GAK: variants seen among roughly 807,000 people sequenced by gnomAD.
GAK encodes cyclin-G-associated kinase.
A neutral mutation model predicts 143.9 loss-of-function variants in GAK; 79 were observed. The ratio of observed to expected loss-of-function variants is 0.55; its 90% confidence interval spans 0.46 to 0.66. The LOEUF (loss-of-function observed/expected upper bound fraction) is 0.66, where lower values mean the gene tolerates loss of function less well. Ranked by LOEUF, GAK falls within the 30% of genes least tolerant of loss-of-function variation. The probability of loss-of-function intolerance (pLI) is 0.00; values close to 1 mark genes in which losing one functional copy is unlikely to be tolerated. For synonymous variants in GAK, 881 were observed against 765.5 expected (o/e 1.15, Z -2.49); for missense variants, 1,693 against 1,779.7 (o/e 0.95, Z 0.88).
At chr4:896,628 C>G (rs1480671579) in intron 6 of GAK, 79 bp from the exon 7 acceptor site, 5 of 1,110,726 alleles carry the variant, frequency 4.5e-6, no homozygotes, top group African/African-American at 1.5e-5. Flanking sequence ...TTCCGTGCAG[C>G]TTTCCAAATG....
At chr4:888,652 G>A in intron 11 of GAK, 195 bp downstream of exon 11, 2 of 635,818 alleles carry the variant, frequency 3.1e-6, no homozygotes, top group Non-Finnish European at 2.6e-6. Flanking sequence ...TGAAAGGAAA[G>A]GGATCTGCCT....
intron 24 of GAK, among the ~76,000 whole-genome samples, chr4:854,742 A>G (rs552305759): frequency 1.3e-5 from 2 of 152,286 alleles, no homozygotes; most frequent in South Asian, 4.1e-4. Context: ...TCATTTTTCC[A>G]TTACAAAAAT....
chr4:930,122 G>A (rs1725423639), intron 1 of GAK, among the ~76,000 whole-genome samples: 2 of 152,320 alleles, frequency 1.3e-5, no homozygotes, highest in South Asian at 2.1e-4. Context: ...ACACAAGACA[G>A]CCTAAACTCC....
chr4:930,074 G>C (rs1398954443), intron 1 of GAK, among the ~76,000 whole-genome samples: 1 of 152,200 alleles, frequency 6.6e-6, no homozygotes, highest in Non-Finnish European at 1.5e-5. Context: ...GTAAACATCT[G>C]TACTCAAGGG....
At chr4:923,120 C>G (rs533426489) in intron 1 of GAK, among the ~76,000 whole-genome samples, 1 of 152,294 alleles carries the variant, frequency 6.6e-6, no homozygotes, top group East Asian at 1.9e-4. Context: ...GGGCTCCCTA[C>G]GGGGATGGAG....
At chr4:863,386 C>G (rs1750631110) in intron 23 of GAK, among the ~76,000 whole-genome samples, 1 of 152,172 alleles carries the variant, frequency 6.6e-6, no homozygotes. Context: ...GAAATGAGGC[C>G]AAGGGTTTAG....
intron 18 of GAK, among the ~76,000 whole-genome samples, chr4:871,597 G>A (rs1314302986): frequency 6.6e-6 from 1 of 152,038 alleles, no homozygotes; most frequent in African/African-American, 2.4e-5. Context: ...GCTGTGGGGA[G>A]CAGGGCAGAG....
chr4:896,816 G>A (rs1302542150), intron 6 of GAK, among the ~76,000 whole-genome samples: 4 of 152,242 alleles, frequency 2.6e-5, no homozygotes, highest in Non-Finnish European at 5.9e-5. Flanking sequence ...ATGGCATGTC[G>A]GCACCGACGT....
intron 10 of GAK, among the ~76,000 whole-genome samples, chr4:889,248 T>C (rs1273290707): frequency 6.6e-6 from 1 of 151,968 alleles, no homozygotes; most frequent in Non-Finnish European, 1.5e-5. Context: ...CAGGAAATGG[T>C]CAATCTGGGT....
rs191320586 is a variant in GAK, at chr4:892,373, G to A, written c.990+1004C>T. On this transcript the variant is annotated intron_variant, in intron 9 of 27. Coordinates refer to ENST00000314167, the MANE Select transcript of GAK (RefSeq NM_005255.4). ...GTGTCCTGACTGGGCCCTGAGCTGG[G>A]ATGCCCAGGGGCCTCCCTGCTCCCC... is the stretch of plus-strand genomic sequence containing the variant. Among the ~76,000 whole-genome samples, 1,189 of 152,334 alleles carry A rather than the reference G, an allele frequency of 7.8e-3. 10 individuals carry two copies. The highest frequency in any genetic ancestry group is 9.8e-3 in the Non-Finnish European group (667 of 68,022).
chr4:885,887 C>G (rs1716233512), intron 11 of GAK: 1 of 152,390 alleles, frequency 6.6e-6, no homozygotes, highest in Admixed American at 6.5e-5. Context: ...CCACCTCAGG[C>G]CCCAGTGTAG....
At chr4:863,489 G>A (rs975030846) in intron 23 of GAK, among the ~76,000 whole-genome samples, 2 of 152,198 alleles carry the variant, frequency 1.3e-5, no homozygotes, top group African/African-American at 2.4e-5. Flanking sequence ...AGCACTGCGT[G>A]CCATAGGGAA....
In GAK at chr4:849,457, C is replaced by T; in HGVS notation, c.*216G>A. On this transcript the variant is annotated 3_prime_UTR_variant, in exon 28 of 28. Transcript: ENST00000314167. The stretch of plus-strand genomic sequence containing the variant: ...CAATTGCGGGAGGAGCATGAATCAG[C>T]TGTTCCTTCGGGAGGAGAAAAAGGA... 1 of 572,730 alleles carries T rather than the reference C, an allele frequency of 1.7e-6. No individual in the cohort carries two copies. Among genetic ancestry groups the T allele is most frequent in the Non-Finnish European group, 3.1e-6 (1 of 318,276 alleles). The allele number at this position is 572,730 out of a possible 1,614,324, so 35.5% of individuals were successfully genotyped here. A position where few individuals can be genotyped will look rare whatever the true frequency, so the allele number is the denominator to read the frequency against.
Position 894,222 on chromosome 4 carries a change from G to A in GAK, c.742-213C>T, listed in dbSNP as rs372706275. Reference sequence around the variant, plus strand: ...ATGCAGGGGTGACACCGGGGCCTGCGGGAACAACAGGGGTGACACCCGGGC... The same window carrying A: ...ATGCAGGGGTGACACCGGGGCCTGCAGGAACAACAGGGGTGACACCCGGGC... On this transcript the variant is annotated intron_variant, in intron 7 of 27. Coordinates refer to ENST00000314167, the MANE Select transcript of GAK (RefSeq NM_005255.4). The A allele has an allele frequency of 3.1e-4, 163 of 533,224 alleles. 1 individual carries two copies. The highest frequency in any genetic ancestry group is 2.8e-3 in the African/African-American group (141 of 50,444). The allele number at this position is 533,224 out of a possible 1,614,324, so 33.0% of individuals were successfully genotyped here.
At chr4:918,969 GCC>G (rs2152958656) in intron 1 of GAK, among the ~76,000 whole-genome samples, 1 of 78,644 alleles carries the variant, frequency 1.3e-5, no homozygotes, top group East Asian at 5.8e-4. Flanking sequence ...GGCTCCAAAG[GCC>G]TCAGTGCCCC....
At chr4:928,601 G>A (rs965137418) in intron 1 of GAK, among the ~76,000 whole-genome samples, 2 of 152,180 alleles carry the variant, frequency 1.3e-5, no homozygotes, top group African/African-American at 4.8e-5. Flanking sequence ...CCCTGCCACT[G>A]AGCCCACCTT....
chr4:901,478 C>T lies in GAK; in HGVS notation c.525+3159G>A, dbSNP rs370013099. On this transcript the variant is annotated intron_variant, in intron 5 of 27. Transcript: ENST00000314167. ...GGCCTCCTAGGCACCCACGAGCAGA[C>T]GCTGGAGAGGAGGCGGGGCCCAGGT... Among the ~76,000 whole-genome samples the T allele has an allele frequency of 2.3e-3, 350 of 152,352 alleles. 1 individual carries two copies. Among genetic ancestry groups the T allele is most frequent in the Middle Eastern group, 0.01 (3 of 294 alleles).
chr4:855,448 G>C (rs947394653), intron 24 of GAK, among the ~76,000 whole-genome samples: 1 of 152,106 alleles, frequency 6.6e-6, no homozygotes, highest in Non-Finnish European at 1.5e-5. Flanking sequence ...GGTATCCTGC[G>C]ACCTTACTGA....
At chr4:916,089 A>G (rs902531694) in intron 1 of GAK, among the ~76,000 whole-genome samples, 3 of 152,232 alleles carry the variant, frequency 2.0e-5, no homozygotes, top group Non-Finnish European at 4.4e-5. Flanking sequence ...TTTTAGATAT[A>G]AGCACAAAAG....
Sources: allele counts gnomAD v4.1 joint callset (sites outside exome capture counted in the v4.1 genomes callset), GRCh38; gene constraint gnomAD v4.1.1; transcripts MANE v1.5; gene names NCBI Gene and HGNC (gene_info 2026-07-23, HGNC 2026-07-21).